The following KAT6A variants were observed in gnomAD, a reference collection of about 807,000 sequenced individuals.
The protein encoded by KAT6A is lysine acetyltransferase 6A.
Under a neutral mutation model 198.4 loss-of-function variants are expected in KAT6A, and 9 were observed. The observed-to-expected ratio is 0.05, with a 90% CI of 0.03 to 0.08. The LOEUF (loss-of-function observed/expected upper bound fraction) is 0.08. Among genes scored for constraint, KAT6A ranks in the 10% least tolerant of loss-of-function variants. The probability of loss-of-function intolerance (pLI) is 1.00; values close to 1 mark genes in which losing one functional copy is unlikely to be tolerated. For synonymous variants in KAT6A, 890 were observed against 883.0 expected, an observed-to-expected ratio of 1.01 and a Z score of -0.14; for missense variants, 2,077 against 2,509.9, an observed-to-expected ratio of 0.83 and a Z score of 3.69.
intron 2 of KAT6A, among the ~76,000 whole-genome samples, chr8:41,990,130 T>C (rs555070638): frequency 2.6e-5 from 4 of 152,122 alleles, no homozygotes; most frequent in Non-Finnish European, 5.9e-5. Flanking sequence ...CTTTATTCTG[T>C]AGCCTCTAAG....
intron 2 of KAT6A, among the ~76,000 whole-genome samples, chr8:42,047,763 G>C (rs1802388364): frequency 6.6e-6 from 1 of 152,084 alleles, no homozygotes; most frequent in Admixed American, 6.6e-5. Flanking sequence ...TGCAACTACA[G>C]CTGTCATAAA....
chr8:41,943,311 C>A (rs1822232597), intron 13 of KAT6A, among the ~76,000 whole-genome samples: 1 of 152,214 alleles, frequency 6.6e-6, no homozygotes, highest in Admixed American at 6.5e-5. Flanking sequence ...TCAAATGCCT[C>A]CTTTCTTTGT....
intron 3 of KAT6A, among the ~76,000 whole-genome samples, chr8:41,982,251 C>T (rs990389536): frequency 4.0e-5 from 6 of 151,546 alleles, no homozygotes; most frequent in Admixed American, 1.3e-4. Context: ...TGTACATATC[C>T]GGTATATATG....
intron 8 of KAT6A, among the ~76,000 whole-genome samples, chr8:41,973,676 C>T (rs1359881423): frequency 6.6e-6 from 1 of 152,112 alleles, no homozygotes; most frequent in Non-Finnish European, 1.5e-5. Flanking sequence ...TGCCATTCTC[C>T]ACACCCTATA....
rs137967311 is a variant in KAT6A at position 41,964,448 on chromosome 8, G to A, written c.1483-9037C>T. Among the ~76,000 whole-genome samples the A allele has an allele frequency of 3.9e-3, 594 of 152,062 alleles. 3 individuals carry two copies. Among genetic ancestry groups the A allele is most frequent in the South Asian group, 0.031 (150 of 4,820 alleles). On this transcript the variant is annotated intron_variant, in intron 8 of 16. Coordinates refer to ENST00000265713, the MANE Select transcript of KAT6A (RefSeq NM_006766.5). ...AGTGAATACCTGAAAACTGCAGATAGTATTAAATGTTATACAAGTTGAGTA... is the reference window on the plus strand; with the variant it reads ...AGTGAATACCTGAAAACTGCAGATAATATTAAATGTTATACAAGTTGAGTA...
chr8:42,016,004 T>C (rs1336778046), intron 2 of KAT6A, among the ~76,000 whole-genome samples: 1 of 152,122 alleles, frequency 6.6e-6, no homozygotes, highest in Non-Finnish European at 1.5e-5. Flanking sequence ...TTAACTCCCA[T>C]TAAATAACCA....
chr8:41,957,315 C>T lies in KAT6A; in HGVS notation c.1483-1904G>A, dbSNP rs151236562. 1,665 of 560,428 alleles carry T rather than the reference C, an allele frequency of 3.0e-3. 23 individuals carry two copies. Among genetic ancestry groups the T allele is most frequent in the African/African-American group, 0.029 (1,550 of 52,994 alleles). 34.7% of individuals were successfully genotyped at this position (560,428 alleles called of 1,614,324 possible). On this transcript the variant is annotated intron_variant, in intron 8 of 16. Transcript: ENST00000265713. ...CCCAGCTCCCCTGAGCAAGCCTCCA[C>T]AGCAAGGGTGTTTCCTTTTACGAAG... is the stretch of plus-strand genomic sequence containing the variant.
intron 2 of KAT6A, among the ~76,000 whole-genome samples, chr8:41,998,459 C>CACTAATAATA (rs1825334109): frequency 6.6e-6 from 1 of 152,082 alleles, no homozygotes; most frequent in Non-Finnish European, 1.5e-5. Context: ...TTCATTCTTT[C>CACTAATAATA]ACTAATAATA....
chr8:41,994,096 C>A (rs1825074620), intron 2 of KAT6A, among the ~76,000 whole-genome samples: 1 of 152,284 alleles, frequency 6.6e-6, no homozygotes, highest in East Asian at 1.9e-4. Flanking sequence ...CCATATATTT[C>A]TCTCAGACCT....
intron 8 of KAT6A, among the ~76,000 whole-genome samples, chr8:41,963,484 T>C (rs2150876887): frequency 6.6e-6 from 1 of 152,300 alleles, no homozygotes; most frequent in East Asian, 1.9e-4. Context: ...CAATCCTAAC[T>C]CCCAATCCAA....
rs888691382 is a variant in KAT6A, at chr8:41,960,786, C to A, written c.1483-5375G>T. Among the ~76,000 whole-genome samples, 2 of 152,062 alleles carry A rather than the reference C, an allele frequency of 1.3e-5. 1 individual carries two copies. The highest frequency in any genetic ancestry group is 4.1e-4 in the South Asian group (2 of 4,828). On this transcript the variant is annotated intron_variant, in intron 8 of 16. Coordinates refer to ENST00000265713, the MANE Select transcript of KAT6A (RefSeq NM_006766.5). ...CGGAGGACCCATAATCCAGTGCTTC[C>A]ATCAGCTTTCCACTCTCCCCACACC...
In KAT6A at chr8:41,934,066, A is replaced by G. The variant is rs767796054; in HGVS notation, c.4154T>C (p.Val1385Ala). The change falls in exon 17 of 17, where the codon GTG (valine) becomes GCG (alanine). Residue 1385 changes from valine (V) to alanine (A), a missense_variant. This residue lies in a region of KAT6A where 178 missense variants were observed against 220.8 expected (regional missense o/e 0.81). Transcript: ENST00000265713. ...EEQPSHDTSV[V>A]SEQMAGSEDD... ...CTCAGACCCAGCCATCTGCTCTGAC[A>G]CCACGGACGTGTCATGGGAAGGCTG... 21 of 1,613,948 alleles carry G rather than the reference A, an allele frequency of 1.3e-5. No individual in the cohort carries two copies. The African/African-American group carries it at 2.0e-4, about 15-fold the overall frequency.
Position 41,941,419 on chromosome 8 carries a change from T to G in KAT6A, c.2462A>C (p.Asn821Thr), listed in dbSNP as rs1236022759. The change falls in exon 15 of 17, where the codon AAC becomes ACC. Residue 821 changes from asparagine (N) to threonine (T), a missense_variant. Asn to Thr is a moderately conservative substitution (Grantham distance 65, BLOSUM62 0). Coordinates refer to ENST00000265713, the MANE Select transcript of KAT6A (RefSeq NM_006766.5). ...ISVGKSVSHENKEQDSYSVES... is the reference protein window; with the variant it reads ...ISVGKSVSHETKEQDSYSVES... ...TACTGAATAAGAATCTTGTTCTTTG[T>G]TCTCATGAGACACAGACTTTCCCAC... is the stretch of plus-strand genomic sequence containing the variant. 6.2e-7 allele frequency: 1 copy of G among 1,601,832 alleles called. No individual in the cohort carries two copies.
chr8:41,992,300 A>G (rs1360169528), intron 2 of KAT6A, among the ~76,000 whole-genome samples: 1 of 152,242 alleles, frequency 6.6e-6, no homozygotes, highest in Non-Finnish European at 1.5e-5. Flanking sequence ...AATAAGAACT[A>G]AAGTCACAGG....
At position 41,943,936 on chromosome 8, in the gene KAT6A, C is replaced by T. The variant is rs1822261286; in HGVS notation, c.2040G>A (p.Glu680=). 1 of 1,613,846 alleles carries T rather than the reference C, an allele frequency of 6.2e-7. No individual in the cohort carries two copies. Among genetic ancestry groups the T allele is most frequent in the Admixed American group, 1.7e-5 (1 of 59,984 alleles). Residue 680 remains glutamate, a synonymous_variant, in exon 13 of 17, where the codon GAG becomes GAA. Coordinates refer to ENST00000265713, the MANE Select transcript of KAT6A (RefSeq NM_006766.5). Reference sequence around the variant, plus strand: ...GACGACCCAGATCAGATAACGGTTTCTCTGGAGACCCTGCTTGGCCTTCAC... The same window carrying T: ...GACGACCCAGATCAGATAACGGTTTTTCTGGAGACCCTGCTTGGCCTTCAC... The part of the protein sequence containing the change: ...SKREGQAGSP[E]KPLSDLGRLS...
chr8:42,019,851 C>T (rs1245415359), intron 2 of KAT6A, among the ~76,000 whole-genome samples: 1 of 152,162 alleles, frequency 6.6e-6, no homozygotes, highest in Non-Finnish European at 1.5e-5. Flanking sequence ...GGCATTTGTG[C>T]AGCTCTTTAG....
At position 41,931,998 on chromosome 8, in the gene KAT6A, T is replaced by C. The variant is rs1465188937; in HGVS notation, c.*207A>G. On this transcript the variant is annotated 3_prime_UTR_variant, in exon 17 of 17. Coordinates refer to ENST00000265713, the MANE Select transcript of KAT6A (RefSeq NM_006766.5). The stretch of plus-strand genomic sequence containing the variant: ...GAGTTCTACTGTAAAATGTTCAAGA[T>C]TGTGAAGAAAACCAAAACCCAGAAC... The C allele has an allele frequency of 1.2e-5, 5 of 422,746 alleles. No homozygotes were observed. Among genetic ancestry groups the C allele is most frequent in the East Asian group, 3.8e-5 (1 of 26,458 alleles). The allele number at this position is 422,746 out of a possible 1,614,324, so 26.2% of individuals were successfully genotyped here. A position where few individuals can be genotyped will look rare whatever the true frequency, so the allele number is the denominator to read the frequency against.
chr8:41,991,736 G>C (rs1824956511), intron 2 of KAT6A, among the ~76,000 whole-genome samples: 2 of 152,062 alleles, frequency 1.3e-5, no homozygotes, highest in South Asian at 2.1e-4. Context: ...GGCTGAAGAT[G>C]GACTGAAAAG....
intron 5 of KAT6A, among the ~76,000 whole-genome samples, chr8:41,979,195 G>A (rs1352774087): frequency 6.6e-6 from 1 of 152,182 alleles, no homozygotes; most frequent in Non-Finnish European, 1.5e-5. Flanking sequence ...TTGAACCCAG[G>A]AGGCGGAGGT....
Sources: gnomAD v4.1 joint callset for allele counts (sites outside exome capture counted in the v4.1 genomes callset) on GRCh38, gnomAD v4.1.1 for gene constraint, gnomAD v4.1.1 regional missense constraint, MANE v1.5 for transcripts, NCBI Gene and HGNC (gene_info 2026-07-23, HGNC 2026-07-21) for gene names.